PNPLA8: variants seen among roughly 807,000 people sequenced by gnomAD.
PNPLA8 encodes patatin like domain 8, phospholipase A2, also known as calcium-independent phospholipase A2-gamma.
PNPLA8 carries 39 observed loss-of-function variants against 76.9 expected under a neutral mutation model. The ratio of observed to expected loss-of-function variants is 0.51; its 90% confidence interval spans 0.39 to 0.66. The LOEUF (loss-of-function observed/expected upper bound fraction) is 0.66, where lower values mean the gene tolerates loss of function less well. Ranked by LOEUF, PNPLA8 falls within the 30% of genes least tolerant of loss-of-function variation. PNPLA8 has a pLI of 0.00. For synonymous variants in PNPLA8, 301 were observed against 307.9 expected (o/e 0.98, Z 0.24); for missense variants, 887 against 918.0 (o/e 0.97, Z 0.44).
intron 7 of PNPLA8, among the ~76,000 whole-genome samples, chr7:108,493,485 A>G (rs568973546): frequency 3.3e-5 from 5 of 151,242 alleles, no homozygotes; most frequent in Non-Finnish European, 7.4e-5. Flanking sequence ...GCTCACTGCA[A>G]GCTCCACCTC....
intron 4 of PNPLA8, among the ~76,000 whole-genome samples, chr7:108,513,031 G>C (rs1563979701): frequency 6.6e-6 from 1 of 152,054 alleles, no homozygotes; most frequent in African/African-American, 2.4e-5. Flanking sequence ...AGGAGGAACG[G>C]GACTCTCACC....
At chr7:108,487,622 G>A in intron 9 of PNPLA8, 137 bp downstream of exon 9, 1 of 479,710 alleles carries the variant, frequency 2.1e-6, no homozygotes, top group Non-Finnish European at 3.7e-6. Context: ...ATCCTAAATT[G>A]TTCTTCTTTT....
intron 2 of PNPLA8, among the ~76,000 whole-genome samples, chr7:108,519,474 T>C (rs1863587139): frequency 6.6e-6 from 1 of 152,128 alleles, no homozygotes; most frequent in Non-Finnish European, 1.5e-5. Context: ...CTGCAGGACC[T>C]AGAGAGATTG....
intron 2 of PNPLA8, among the ~76,000 whole-genome samples, chr7:108,517,814 G>A (rs1863450628): frequency 6.6e-6 from 1 of 152,144 alleles, no homozygotes; most frequent in Non-Finnish European, 1.5e-5. Context: ...CTGTCACCCA[G>A]GCTGGAGTGC....
At chr7:108,521,061 A>G (rs372273554) in intron 2 of PNPLA8, among the ~76,000 whole-genome samples, 7 of 152,166 alleles carry the variant, frequency 4.6e-5, no homozygotes, top group African/African-American at 1.2e-4. Flanking sequence ...AGCAACCACT[A>G]TGGAAAATGA....
intron 4 of PNPLA8, among the ~76,000 whole-genome samples, chr7:108,509,074 TAG>T (rs1039319784): frequency 2.6e-5 from 3 of 115,320 alleles, no homozygotes; most frequent in African/African-American, 1.1e-4. Flanking sequence ...ATAAAAACCC[TAG>T]AAGAAAACCT....
At chr7:108,500,332 T>A (rs538499271) in intron 5 of PNPLA8, among the ~76,000 whole-genome samples, 1 of 152,332 alleles carries the variant, frequency 6.6e-6, no homozygotes, top group South Asian at 2.1e-4. Flanking sequence ...TCTCCAGTTA[T>A]CACTTTATCT....
chr7:108,517,548 C>T (rs1277367342), intron 2 of PNPLA8, among the ~76,000 whole-genome samples: 2 of 152,130 alleles, frequency 1.3e-5, no homozygotes, highest in Admixed American at 6.5e-5. Context: ...CATCAATATA[C>T]GGTATGTGTA....
In PNPLA8 at chr7:108,514,705, C is replaced by G. The variant is rs76603181; in HGVS notation, c.787G>C (p.Val263Leu). ...CTTGTAGGCTTGTCCACCGTATGTA[C>G]AGATTCTGAGCCTGGCTTATAAGCC... ...ILAYKPGSES[V>L]HTVDKPTSPS... Residue 263 changes from valine to leucine, a missense_variant, in exon 3 of 11, where the codon GTA (valine) becomes CTA (leucine). Val to Leu is a conservative substitution (Grantham distance 32). Transcript: ENST00000257694. 19 of 1,614,048 alleles carry G rather than the reference C, an allele frequency of 1.2e-5. No homozygotes were observed. The East Asian group carries it at 4.2e-4, about 36-fold the overall frequency.
chr7:108,497,358 C>G (rs1861620487), intron 6 of PNPLA8, 125 bp downstream of exon 6: 1 of 586,120 alleles, frequency 1.7e-6, no homozygotes, highest in Non-Finnish European at 2.9e-6. Context: ...AAAGGAAGTA[C>G]AAAATTTTGG....
chr7:108,502,631 A>T lies in PNPLA8; in HGVS notation c.1218T>A (p.Ile406=). The T allele has an allele frequency of 6.2e-7, 1 of 1,606,428 alleles. No homozygotes were observed. Among genetic ancestry groups the T allele is most frequent in the Non-Finnish European group, 8.5e-7 (1 of 1,174,738 alleles). The part of the protein sequence containing the change: ...GKGVAVKERI[I]PYLLRLRQIK... ...TTTGTCTCAGTCGTAATAAATATGG[A>T]ATAATTCTTTCCTATATTGAGAGAA... The change falls in exon 5 of 11, where the codon ATT becomes ATA. Residue 406 remains isoleucine, a synonymous_variant. Transcript: ENST00000257694.
chr7:108,507,265 C>T (rs60117684), intron 4 of PNPLA8, among the ~76,000 whole-genome samples: 14,905 of 148,968 alleles, frequency 0.1, 772 homozygotes, highest in Non-Finnish European at 0.11. Context: ...ATCCCTTGAA[C>T]CCCGGAGGTG....
chr7:108,479,605 A>T, intron 9 of PNPLA8: 1 of 580,662 alleles, frequency 1.7e-6, no homozygotes, highest in Non-Finnish European at 3.1e-6. Flanking sequence ...GAACTTCTTA[A>T]ATTGCTTTGC....
At chr7:108,488,202 C>T (rs1486684188) in intron 8 of PNPLA8, among the ~76,000 whole-genome samples, 1 of 152,090 alleles carries the variant, frequency 6.6e-6, no homozygotes, top group East Asian at 1.9e-4. Context: ...TTGACCATTA[C>T]TCAATTTGAT....
At chr7:108,520,953 T>TA (rs1490809795) in intron 2 of PNPLA8, among the ~76,000 whole-genome samples, 1 of 151,722 alleles carries the variant, frequency 6.6e-6, no homozygotes, top group Admixed American at 6.6e-5. Context: ...AAGTCAACAG[T>TA]AAAAAATCTC....
chr7:108,496,611 T>TC lies in PNPLA8; in HGVS notation c.1597dup (p.Asp533GlyfsTer10). 6.2e-7 allele frequency: 1 copy of TC among 1,604,622 alleles called. No individual in the cohort carries two copies. Among genetic ancestry groups the TC allele is most frequent in the Non-Finnish European group, 8.5e-7 (1 of 1,176,726 alleles). On this transcript the variant is annotated frameshift_variant, in exon 7 of 11. Transcript: ENST00000257694. LOFTEE classifies it high-confidence loss of function. ...AAGAATGTTTTCCCATGTTTGACTGTCATAAAATGCATGGCTCCAACTCAT... is the reference window on the plus strand; with the variant it reads ...AAGAATGTTTTCCCATGTTTGACTGTCCATAAAATGCATGGCTCCAACTCAT...
At chr7:108,522,915 A>G (rs908426102) in intron 1 of PNPLA8, among the ~76,000 whole-genome samples, 2 of 152,242 alleles carry the variant, frequency 1.3e-5, no homozygotes, top group Non-Finnish European at 2.9e-5. Context: ...AGCAAAAATT[A>G]CAAAACAAAG....
At chr7:108,473,553 T>C (rs192516650) in intron 10 of PNPLA8, among the ~76,000 whole-genome samples, 2 of 152,336 alleles carry the variant, frequency 1.3e-5, no homozygotes, top group Admixed American at 1.3e-4. Context: ...CTCTACATCT[T>C]TGCCCAAAGT....
At chr7:108,506,426 G>T (rs1862430523) in intron 4 of PNPLA8, among the ~76,000 whole-genome samples, 1 of 151,412 alleles carries the variant, frequency 6.6e-6, no homozygotes, top group African/African-American at 2.4e-5. Flanking sequence ...AGAACACAGA[G>T]GCCTCATAGA....
Sources: allele counts gnomAD v4.1 joint callset (sites outside exome capture counted in the v4.1 genomes callset), GRCh38; gene constraint gnomAD v4.1.1; transcripts MANE v1.5; gene names NCBI Gene and HGNC (gene_info 2026-07-23, HGNC 2026-07-21).